The following BTRC variants were observed in gnomAD, a reference collection of about 807,000 sequenced individuals.
The protein encoded by BTRC is beta-transducin repeat containing E3 ubiquitin protein ligase.
A neutral mutation model predicts 85.5 loss-of-function variants in BTRC; 42 were observed. That is an observed-to-expected ratio of 0.49 (90% CI 0.38 to 0.64). BTRC has a LOEUF of 0.64. Ranked by LOEUF, BTRC falls within the 30% of genes least tolerant of loss-of-function variation. BTRC has a pLI of 0.00. For synonymous variants in BTRC, 255 were observed against 263.3 expected (o/e 0.97, Z 0.30); for missense variants, 594 against 743.5 (o/e 0.80, Z 2.34).
chr10:101,394,117 A>C (rs1484685187), intron 1 of BTRC, among the ~76,000 whole-genome samples: 1 of 152,192 alleles, frequency 6.6e-6, no homozygotes, highest in African/African-American at 2.4e-5. Context: ...TTTAGAAGAT[A>C]TTATGGAGCT....
intron 1 of BTRC, among the ~76,000 whole-genome samples, chr10:101,365,673 C>T (rs553425813): frequency 1.3e-5 from 2 of 151,920 alleles, no homozygotes; most frequent in South Asian, 4.2e-4. Flanking sequence ...GACAGGGTTT[C>T]ACCATGTTGG....
At chr10:101,497,753 G>A (rs1946299575) in intron 4 of BTRC, among the ~76,000 whole-genome samples, 1 of 151,930 alleles carries the variant, frequency 6.6e-6, no homozygotes, top group African/African-American at 2.4e-5. Flanking sequence ...TGGGCGTGAT[G>A]ACTCATGCCT....
At chr10:101,478,941 GAAAA>G (rs765974783) in intron 3 of BTRC, among the ~76,000 whole-genome samples, 1 of 98,030 alleles carries the variant, frequency 1.0e-5, no homozygotes. Flanking sequence ...TCCATCTGGG[GAAAA>G]AAAAAAAAAA....
At position 101,518,793 on chromosome 10, in the gene BTRC, T is replaced by A. The variant is rs540027517; in HGVS notation, c.325-2846T>A. Among the ~76,000 whole-genome samples the A allele has an allele frequency of 1.2e-4, 18 of 152,334 alleles. No homozygotes were observed. The South Asian group carries it at 3.7e-3, about 32-fold the overall frequency. On this transcript the variant is annotated intron_variant, in intron 4 of 14. Transcript: ENST00000370187. ...ATTCTTCCTCGCTGTCTAGTCCTCA[T>A]TTCCTTCATGTCTGAGTTAAAATGT...
At chr10:101,500,938 A>G (rs551608298) in intron 4 of BTRC, among the ~76,000 whole-genome samples, 2 of 152,342 alleles carry the variant, frequency 1.3e-5, no homozygotes, top group South Asian at 4.1e-4. Flanking sequence ...TCAAGTCTGT[A>G]ATCCCAGCAC....
At chr10:101,369,710 G>A (rs994739841) in intron 1 of BTRC, among the ~76,000 whole-genome samples, 5 of 152,232 alleles carry the variant, frequency 3.3e-5, no homozygotes, top group Middle Eastern at 3.4e-3. Context: ...GCACATTTAC[G>A]TTGTTATTTT....
chr10:101,375,268 C>T (rs940257277), intron 1 of BTRC, among the ~76,000 whole-genome samples: 2 of 151,770 alleles, frequency 1.3e-5, no homozygotes, highest in Non-Finnish European at 2.9e-5. Context: ...CCTTCTCTGC[C>T]CCCCTCTCTT....
Position 101,404,330 on chromosome 10 carries a change from A to G in BTRC, c.49-26015A>G, listed in dbSNP as rs143508413. ...CAGGTGTGAGCCACCGCGCCCAGCC[A>G]ATCCTAGCTATATTACAGTCTTTGC... On this transcript the variant is annotated intron_variant, in intron 1 of 14. Transcript: ENST00000370187. Among the ~76,000 whole-genome samples the G allele has an allele frequency of 3.2e-4, 49 of 152,058 alleles. No homozygotes were observed. The East Asian group carries it at 7.6e-3, about 24-fold the overall frequency.
chr10:101,392,066 G>T (rs1480075447), intron 1 of BTRC, among the ~76,000 whole-genome samples: 1 of 151,998 alleles, frequency 6.6e-6, no homozygotes, highest in Non-Finnish European at 1.5e-5. Context: ...TGCAACTTCT[G>T]CCTCCCGGGT....
intron 1 of BTRC, among the ~76,000 whole-genome samples, chr10:101,384,217 G>T (rs1943009449): frequency 6.6e-6 from 1 of 152,184 alleles, no homozygotes. Flanking sequence ...ACGTCATAGA[G>T]ATTATTTTCA....
At chr10:101,420,222 T>C (rs1327109338) in intron 1 of BTRC, among the ~76,000 whole-genome samples, 1 of 152,202 alleles carries the variant, frequency 6.6e-6, no homozygotes, top group Non-Finnish European at 1.5e-5. Context: ...TTTCTGATTA[T>C]GAGAAACCTA....
chr10:101,428,331 TATCTC>T (rs1944313690), intron 1 of BTRC, among the ~76,000 whole-genome samples: 1 of 152,224 alleles, frequency 6.6e-6, no homozygotes, highest in Admixed American at 6.5e-5. Flanking sequence ...ATACAGTAGA[TATCTC>T]ATCATGAATT....
At chr10:101,441,671 C>T (rs889147471) in intron 2 of BTRC, among the ~76,000 whole-genome samples, 2 of 151,868 alleles carry the variant, frequency 1.3e-5, no homozygotes, top group East Asian at 1.9e-4. Flanking sequence ...CCTGAGCTCA[C>T]GAATTTGAGA....
intron 1 of BTRC, among the ~76,000 whole-genome samples, chr10:101,404,155 C>G (rs1435142334): frequency 6.7e-6 from 1 of 149,838 alleles, no homozygotes. Flanking sequence ...CTCAGCCTCT[C>G]GAGTAGCTGG....
intron 4 of BTRC, among the ~76,000 whole-genome samples, chr10:101,499,953 A>C (rs781462944): frequency 6.6e-6 from 1 of 151,896 alleles, no homozygotes; most frequent in Non-Finnish European, 1.5e-5. Flanking sequence ...TCTGCAATAC[A>C]GCAGGCTATG....
chr10:101,357,108 G>A (rs1220521399), intron 1 of BTRC, among the ~76,000 whole-genome samples: 4 of 150,980 alleles, frequency 2.6e-5, no homozygotes, highest in African/African-American at 7.3e-5. Context: ...CAGCCTGGGC[G>A]ACAGAGCAAG....
intron 1 of BTRC, among the ~76,000 whole-genome samples, chr10:101,369,728 A>G (rs1049459810): frequency 7.9e-5 from 12 of 152,310 alleles, no homozygotes; most frequent in African/African-American, 2.2e-4. Flanking sequence ...TTTATCTTAC[A>G]TATTATTTAA....
rs1943776614 is a variant in BTRC at position 101,411,451 on chromosome 10, A to G, written c.49-18894A>G. Among the ~76,000 whole-genome samples the G allele has an allele frequency of 2.0e-5, 3 of 152,184 alleles. No individual in the cohort carries two copies. In the South Asian group the frequency reaches 6.2e-4, roughly 32 times the overall value. The stretch of plus-strand genomic sequence containing the variant: ...CAGATATGCATGTGTTAGACCACTT[A>G]CAATTTCCTATAGGTCACTGAAGCT... On this transcript the variant is annotated intron_variant, in intron 1 of 14. Coordinates refer to ENST00000370187, the MANE Select transcript of BTRC (RefSeq NM_033637.4).
intron 4 of BTRC, among the ~76,000 whole-genome samples, chr10:101,483,641 A>G (rs1945905418): frequency 6.6e-6 from 1 of 152,092 alleles, no homozygotes; most frequent in Non-Finnish European, 1.5e-5. Flanking sequence ...CCTATAACTT[A>G]ATCCAAGTAA....
Sources: allele counts gnomAD v4.1 joint callset (sites outside exome capture counted in the v4.1 genomes callset), GRCh38; gene constraint gnomAD v4.1.1; transcripts MANE v1.5; gene names NCBI Gene and HGNC (gene_info 2026-07-23, HGNC 2026-07-21).